MSRB3: variants seen among roughly 807,000 people sequenced by gnomAD.
MSRB3 encodes the protein methionine sulfoxide reductase B3, also known as methionine-R-sulfoxide reductase B3.
Under a neutral mutation model 21.0 loss-of-function variants are expected in MSRB3, and 13 were observed. That is an observed-to-expected ratio of 0.62 (90% CI 0.40 to 0.98). The LOEUF (loss-of-function observed/expected upper bound fraction) is 0.98. Among genes scored for constraint, MSRB3 ranks in the 50% least tolerant of loss-of-function variants. The pLI is 0.00. For missense variants in MSRB3, 199 were observed against 230.3 expected (o/e 0.86, Z 0.88); for synonymous variants, 87 against 88.6 (o/e 0.98, Z 0.10).
At chr12:65,425,895 T>A (rs1254636747) in intron 5 of MSRB3, among the ~76,000 whole-genome samples, 5 of 152,136 alleles carry the variant, frequency 3.3e-5, no homozygotes, top group African/African-American at 1.2e-4. Context: ...CTTGCTCTGT[T>A]GCCCAGGCTG....
intron 2 of MSRB3, among the ~76,000 whole-genome samples, chr12:65,309,402 G>A (rs1431422433): frequency 6.6e-6 from 1 of 152,078 alleles, no homozygotes; most frequent in Non-Finnish European, 1.5e-5. Flanking sequence ...TCACTACATT[G>A]TGTAAGGAAT....
chr12:65,340,521 T>G (rs1195353395), intron 4 of MSRB3, among the ~76,000 whole-genome samples: 1 of 152,012 alleles, frequency 6.6e-6, no homozygotes, highest in Non-Finnish European at 1.5e-5. Context: ...TGAAACAGGA[T>G]GAATAACCAT....
chr12:65,360,327 T>C lies in MSRB3; in HGVS notation c.264-8671T>C, dbSNP rs192007292. On this transcript the variant is annotated intron_variant, in intron 4 of 6. Transcript: ENST00000308259. ...CTTAGCATTGTGAATTTATTCTCAG[T>C]AGATAAAAGGCCTTGACTTTAAAAA... Among the ~76,000 whole-genome samples the C allele has an allele frequency of 7.9e-5, 12 of 152,212 alleles. No individual in the cohort carries two copies. The East Asian group carries it at 1.9e-3, about 25-fold the overall frequency.
chr12:65,443,780 C>A (rs2136685120), intron 5 of MSRB3, among the ~76,000 whole-genome samples: 1 of 151,914 alleles, frequency 6.6e-6, no homozygotes, highest in East Asian at 1.9e-4. Flanking sequence ...CATTGTTGTG[C>A]AACCATCACC....
intron 4 of MSRB3, among the ~76,000 whole-genome samples, chr12:65,356,244 G>C (rs1877376735): frequency 6.6e-6 from 1 of 151,876 alleles, no homozygotes; most frequent in Admixed American, 6.6e-5. Flanking sequence ...TTTGATTCAT[G>C]TGTTCAGAGA....
rs558211171 is a variant in MSRB3, at chr12:65,328,667, T to A, written c.263+64T>A. 5 of 1,084,306 alleles carry A rather than the reference T, an allele frequency of 4.6e-6. No individual in the cohort carries two copies. The East Asian group carries it at 1.2e-4, about 26-fold the overall frequency. 67.2% of individuals were successfully genotyped at this position (1,084,306 alleles called of 1,614,324 possible). ...AGATGGCAGCAAACTAGTTATTGCT[T>A]TTTCATCTTAGAATCTTTCCATTGC... On this transcript the variant is annotated intron_variant, in intron 4 of 6. Transcript: ENST00000308259.
intron 4 of MSRB3, among the ~76,000 whole-genome samples, chr12:65,353,573 G>A (rs1442567960): frequency 1.3e-5 from 2 of 151,934 alleles, no homozygotes; most frequent in Non-Finnish European, 1.5e-5. Context: ...TTTTCCATTT[G>A]CTTGGTAGAT....
At chr12:65,288,410 ATG>A (rs1363603046) in intron 1 of MSRB3, among the ~76,000 whole-genome samples, 2 of 152,082 alleles carry the variant, frequency 1.3e-5, no homozygotes, top group African/African-American at 4.8e-5. Context: ...ATGCAAAATT[ATG>A]TCTTTTTAAA....
chr12:65,456,746 G>A (rs181104360), intron 6 of MSRB3, among the ~76,000 whole-genome samples: 1 of 152,288 alleles, frequency 6.6e-6, no homozygotes, highest in Admixed American at 6.5e-5. Flanking sequence ...TTCCGCTAAG[G>A]CATGTATGAA....
At chr12:65,408,954 C>T (rs542628117) in intron 5 of MSRB3, among the ~76,000 whole-genome samples, 4 of 152,190 alleles carry the variant, frequency 2.6e-5, no homozygotes, top group East Asian at 1.9e-4. Flanking sequence ...GAATCACAAG[C>T]GGACTTTTCT....
intron 1 of MSRB3, chr12:65,305,039 C>T (rs991112068): frequency 2.1e-4 from 32 of 151,758 alleles, no homozygotes; most frequent in African/African-American, 6.8e-4. Context: ...GGGAGAGAAT[C>T]TTCAAGTAAT....
chr12:65,326,425 T>TA (rs1875032145), intron 2 of MSRB3, among the ~76,000 whole-genome samples: 1 of 152,206 alleles, frequency 6.6e-6, no homozygotes, highest in South Asian at 2.1e-4. Flanking sequence ...ATTGCAGACT[T>TA]ACGGTTTAAC....
At chr12:65,418,810 A>T (rs146189187) in intron 5 of MSRB3, 1 of 933,716 alleles carries the variant, frequency 1.1e-6, no homozygotes, top group African/African-American at 1.6e-5. Context: ...GATGGTTTGC[A>T]TGGAGTTACT....
At chr12:65,298,561 G>A (rs1873122493) in intron 1 of MSRB3, among the ~76,000 whole-genome samples, 1 of 152,136 alleles carries the variant, frequency 6.6e-6, no homozygotes, top group African/African-American at 2.4e-5. Context: ...AGCCCAACAT[G>A]ATGTCAAAGG....
At chr12:65,402,236 T>G (rs2136605541) in intron 5 of MSRB3, among the ~76,000 whole-genome samples, 1 of 152,332 alleles carries the variant, frequency 6.6e-6, no homozygotes, top group Middle Eastern at 3.4e-3. Context: ...TCCCCATCAC[T>G]TTCGGGTACA....
intron 5 of MSRB3, among the ~76,000 whole-genome samples, chr12:65,434,811 T>TCA (rs1470740247): frequency 1.3e-5 from 2 of 151,986 alleles, no homozygotes; most frequent in Non-Finnish European, 2.9e-5. Flanking sequence ...TGCACTGATA[T>TCA]AATTATATCA....
rs754430545 is a variant in MSRB3 at position 65,402,344 on chromosome 12, G to A, written c.292+33318G>A. Among the ~76,000 whole-genome samples the A allele has an allele frequency of 6.1e-4, 93 of 152,020 alleles. 1 individual carries two copies. Among genetic ancestry groups the A allele is most frequent in the Non-Finnish European group, 1.3e-3 (86 of 67,994 alleles). On this transcript the variant is annotated intron_variant, in intron 5 of 6. Coordinates refer to ENST00000308259, the MANE Select transcript of MSRB3 (RefSeq NM_001031679.3). Reference sequence around the variant, plus strand: ...CTTTTGTCTCTAATCTTGTCTTCATGCTTTATTTCATTAAGTTGATCTTCA... The same window carrying A: ...CTTTTGTCTCTAATCTTGTCTTCATACTTTATTTCATTAAGTTGATCTTCA...
chr12:65,363,707 C>T lies in MSRB3; in HGVS notation c.264-5291C>T, dbSNP rs558451110. 4.6e-5 allele frequency among the ~76,000 whole-genome samples: 7 copies of T among 152,110 alleles called. No homozygotes were observed. The South Asian group carries it at 1.0e-3, about 23-fold the overall frequency. The stretch of plus-strand genomic sequence containing the variant: ...TTAAAAAAAAATAACAGCTTGGGGC[C>T]GGGCGTGGTGGCTCACACCTGTAAT... On this transcript the variant is annotated intron_variant, in intron 4 of 6. Coordinates refer to ENST00000308259, the MANE Select transcript of MSRB3 (RefSeq NM_001031679.3).
At chr12:65,364,498 C>G (rs1877893171) in intron 4 of MSRB3, among the ~76,000 whole-genome samples, 1 of 152,118 alleles carries the variant, frequency 6.6e-6, no homozygotes, top group Non-Finnish European at 1.5e-5. Flanking sequence ...TATATTTATG[C>G]ATGTTATACC....
Sources: gnomAD v4.1 joint callset for allele counts (sites outside exome capture counted in the v4.1 genomes callset) on GRCh38, gnomAD v4.1.1 for gene constraint, MANE v1.5 for transcripts, NCBI Gene and HGNC (gene_info 2026-07-23, HGNC 2026-07-21) for gene names.